Variants in CPAMD8 observed in about 807,000 individuals in gnomAD.
CPAMD8 encodes C3 and PZP-like alpha-2-macroglobulin domain-containing protein 8.
In CPAMD8, 146 loss-of-function variants were observed where a neutral mutation model predicts 224.7. The ratio of observed to expected loss-of-function variants is 0.65; its 90% CI spans 0.57 to 0.75. The LOEUF is 0.75. Among genes scored for constraint, CPAMD8 ranks in the 30% least tolerant of loss-of-function variants. CPAMD8 has a pLI of 0.00. For synonymous variants in CPAMD8, 966 were observed against 1,044.6 expected, an observed-to-expected ratio of 0.92 and a Z score of 1.45; for missense variants, 2,301 against 2,537.5, an observed-to-expected ratio of 0.91 and a Z score of 2.00.
intron 6 of CPAMD8, among the ~76,000 whole-genome samples, chr19:17,008,903 C>T (rs2056570280): frequency 1.3e-5 from 2 of 151,988 alleles, no homozygotes; most frequent in South Asian, 4.2e-4. Context: ...GCCTGGCCAA[C>T]ATGGTGAAAC....
Position 16,970,950 on chromosome 19 carries a change from G to C in CPAMD8, c.2154C>G (p.Pro718=). ...GGCTCCCTGTGTGGGGCTGGAAAGC[G>C]GGGACAGCCTCATCGGTGTAGAGGC... ...DGGLYTDEAV[P]AFQPHTGSLV... Residue 718 remains proline (P), a synonymous_variant, in exon 18 of 42, where the codon CCC becomes CCG. Coordinates refer to ENST00000443236, the MANE Select transcript of CPAMD8 (RefSeq NM_015692.5). 1 of 1,613,878 alleles carries C rather than the reference G, an allele frequency of 6.2e-7. No individual in the cohort carries two copies. Among genetic ancestry groups the C allele is most frequent in the Non-Finnish European group, 8.5e-7 (1 of 1,179,864 alleles).
chr19:17,003,103 A>G (rs2056384473), intron 8 of CPAMD8, among the ~76,000 whole-genome samples: 1 of 151,448 alleles, frequency 6.6e-6, no homozygotes, highest in South Asian at 2.1e-4. Context: ...GGGTTTCACC[A>G]TGTTGGCCAG....
intron 18 of CPAMD8, among the ~76,000 whole-genome samples, chr19:16,967,398 T>C (rs1388445359): frequency 6.6e-6 from 1 of 151,646 alleles, no homozygotes; most frequent in Non-Finnish European, 1.5e-5. Context: ...AAATGATGAG[T>C]TGATGGGTGC....
At chr19:16,959,402 C>G (rs550181875) in intron 18 of CPAMD8, among the ~76,000 whole-genome samples, 4 of 144,268 alleles carry the variant, frequency 2.8e-5, no homozygotes, top group African/African-American at 1.0e-4. Context: ...CTCAAACTCC[C>G]GACATCAAGT....
chr19:16,941,674 T>G (rs138002739), intron 22 of CPAMD8, among the ~76,000 whole-genome samples: 48 of 152,296 alleles, frequency 3.2e-4, no homozygotes, highest in African/African-American at 1.2e-3. Flanking sequence ...TGAGATCTGG[T>G]TGTTTGAAAC....
chr19:17,016,933 G>A (rs1393184274), intron 3 of CPAMD8, among the ~76,000 whole-genome samples: 8 of 151,022 alleles, frequency 5.3e-5, no homozygotes. Flanking sequence ...AGGCATTGAA[G>A]CCCTAGGGCA....
intron 41 of CPAMD8, chr19:16,894,170 G>T: frequency 4.0e-6 from 1 of 247,960 alleles, no homozygotes; most frequent in South Asian, 4.4e-5. Context: ...TAGCTAGGAA[G>T]GTGGGGGATC....
At chr19:16,937,223 C>A (rs527423323) in intron 23 of CPAMD8, among the ~76,000 whole-genome samples, 1 of 152,054 alleles carries the variant, frequency 6.6e-6, no homozygotes, top group Non-Finnish European at 1.5e-5. Flanking sequence ...CAACCTCCAC[C>A]TCCTGGGCTC....
At position 16,897,959 on chromosome 19, in the gene CPAMD8, A is replaced by C; in HGVS notation, c.4884T>G (p.Arg1628=). 1 of 1,611,042 alleles carries C rather than the reference A, an allele frequency of 6.2e-7. No individual in the cohort carries two copies. Among genetic ancestry groups the C allele is most frequent in the Non-Finnish European group, 8.5e-7 (1 of 1,179,340 alleles). The stretch of plus-strand genomic sequence containing the variant: ...TGCCCACCACGCACTCCCGGAGAGC[A>C]CGGAACCGCACGCACGTCAGGCACC... ...PSRCLTCVRF[R]ALRECVVGRT... The change falls in exon 38 of 42, where the codon CGT becomes CGG. Residue 1628 remains arginine, a synonymous_variant. Transcript: ENST00000443236.
intron 3 of CPAMD8, among the ~76,000 whole-genome samples, chr19:17,012,010 G>C (rs1286031509): frequency 6.6e-6 from 1 of 152,140 alleles, no homozygotes; most frequent in Non-Finnish European, 1.5e-5. Context: ...CCCGCCCTTG[G>C]CAAACTGCCC....
chr19:16,955,425 T>C (rs2054439060), intron 19 of CPAMD8, among the ~76,000 whole-genome samples: 1 of 152,082 alleles, frequency 6.6e-6, no homozygotes, highest in African/African-American at 2.4e-5. Flanking sequence ...AGGCGGTCCC[T>C]AGAATAGTCA....
intron 25 of CPAMD8, among the ~76,000 whole-genome samples, chr19:16,927,681 C>T (rs1217531493): frequency 1.3e-5 from 2 of 152,190 alleles, no homozygotes; most frequent in Non-Finnish European, 2.9e-5. Context: ...GCCCACTGCC[C>T]TCACAGGGTT....
chr19:16,895,929 G>C, intron 41 of CPAMD8: 1 of 594,512 alleles, frequency 1.7e-6, no homozygotes, highest in South Asian at 1.6e-5. Context: ...ACACACACAC[G>C]CGCGCGTGCG....
chr19:17,021,445 T>C (rs896370134), intron 2 of CPAMD8, among the ~76,000 whole-genome samples: 1 of 152,222 alleles, frequency 6.6e-6, no homozygotes, highest in Non-Finnish European at 1.5e-5. Context: ...CCTGGCCTTC[T>C]CTGTGTCTCC....
At chr19:16,942,810 G>T (rs1172002556) in intron 22 of CPAMD8, among the ~76,000 whole-genome samples, 2 of 152,092 alleles carry the variant, frequency 1.3e-5, no homozygotes, top group South Asian at 2.1e-4. Flanking sequence ...GCTCTTTCTG[G>T]CTTGGGGCCA....
At position 17,011,274 on chromosome 19, in the gene CPAMD8, G is replaced by T. The variant is rs557793588; in HGVS notation, c.486+190C>A. On this transcript the variant is annotated intron_variant, in intron 5 of 41. Transcript: ENST00000443236. ...GGCATTCCTTGTTGAGGGGCAGTGGGCCAGGCACGCCCACCAGCCTTCCTC... is the reference window on the plus strand; with the variant it reads ...GGCATTCCTTGTTGAGGGGCAGTGGTCCAGGCACGCCCACCAGCCTTCCTC... 1.1e-4 allele frequency among the ~76,000 whole-genome samples: 17 copies of T among 152,228 alleles called. 1 individual carries two copies. The highest frequency in any genetic ancestry group is 4.1e-4 in the African/African-American group (17 of 41,548).
intron 3 of CPAMD8, among the ~76,000 whole-genome samples, chr19:17,013,009 C>T (rs1375740547): frequency 1.3e-5 from 2 of 151,512 alleles, no homozygotes; most frequent in African/African-American, 4.9e-5. Flanking sequence ...ATGGCAAAAC[C>T]CCATCTCTAC....
intron 22 of CPAMD8, 150 bp from the exon 23 acceptor site, chr19:16,938,596 C>A (rs1389149396): frequency 1.7e-6 from 1 of 589,758 alleles, no homozygotes; most frequent in Non-Finnish European, 3.0e-6. Context: ...CACGGTCACA[C>A]CAAGATCACA....
intron 20 of CPAMD8, among the ~76,000 whole-genome samples, chr19:16,947,672 C>T (rs948876750): frequency 7.2e-5 from 11 of 152,034 alleles, no homozygotes; most frequent in East Asian, 1.9e-4. Context: ...TGTGTGTGCA[C>T]GTGTGTGTTT....
Sources: gnomAD v4.1 joint callset for allele counts (sites outside exome capture counted in the v4.1 genomes callset) on GRCh38, gnomAD v4.1.1 for gene constraint, MANE v1.5 for transcripts, NCBI Gene and HGNC (gene_info 2026-07-23, HGNC 2026-07-21) for gene names.